TRPC4: variants seen among roughly 807,000 people sequenced by gnomAD.
TRPC4 encodes transient receptor potential cation channel subfamily C member 4.
Under a neutral mutation model 99.4 loss-of-function variants are expected in TRPC4, and 49 were observed. That is an observed-to-expected ratio of 0.49 (90% CI 0.39 to 0.63). The LOEUF (loss-of-function observed/expected upper bound fraction) is 0.63, where lower values mean the gene tolerates loss of function less well. Among genes scored for constraint, TRPC4 ranks in the 20% least tolerant of loss-of-function variants. The pLI is 0.00. For missense variants in TRPC4, 898 were observed against 1,152.9 expected (o/e 0.78, Z 3.20); for synonymous variants, 454 against 425.9 (o/e 1.07, Z -0.81).
intron 1 of TRPC4, among the ~76,000 whole-genome samples, chr13:37,849,117 G>C (rs550539877): frequency 2.0e-5 from 3 of 152,238 alleles, no homozygotes; most frequent in Admixed American, 6.5e-5. Flanking sequence ...CTGGGAAGGA[G>C]GCTGGGTATG....
At chr13:37,696,916 CTTTT>C (rs5802894) in intron 3 of TRPC4, among the ~76,000 whole-genome samples, 2 of 140,990 alleles carry the variant, frequency 1.4e-5, no homozygotes, top group Admixed American at 7.1e-5. Context: ...GCTGAAACAT[CTTTT>C]TTTTTTTTTT....
At position 37,634,108 on chromosome 13, in the gene TRPC4, G is replaced by A. The variant is rs556914977; in HGVS notation, c.*2795C>T. Among the ~76,000 whole-genome samples, 11 of 152,050 alleles carry A rather than the reference G, an allele frequency of 7.2e-5. No homozygotes were observed. Among genetic ancestry groups the A allele is most frequent in the African/African-American group, 2.4e-4 (10 of 41,510 alleles). ...AGATTTTTTAAGATTAAGAGAGTAC[G>A]AAAAATGAGAAACATTATTTATGTA... On this transcript the variant is annotated 3_prime_UTR_variant, in exon 11 of 11. Coordinates refer to ENST00000379705, the MANE Select transcript of TRPC4 (RefSeq NM_016179.4).
chr13:37,781,220 T>C lies in TRPC4; in HGVS notation c.378+1736A>G, dbSNP rs535175269. 2.6e-5 allele frequency among the ~76,000 whole-genome samples: 4 copies of C among 152,254 alleles called. No homozygotes were observed. The South Asian group carries it at 8.3e-4, about 32-fold the overall frequency. ...TAGAAAATAGAACTAAGAAGGTTCTTTAGTAATAAACATCAAAAACATGTT... is the reference window on the plus strand; with the variant it reads ...TAGAAAATAGAACTAAGAAGGTTCTCTAGTAATAAACATCAAAAACATGTT... On this transcript the variant is annotated intron_variant, in intron 2 of 10. Transcript: ENST00000379705.
intron 3 of TRPC4, among the ~76,000 whole-genome samples, chr13:37,745,448 A>ATATATATATATATATGTG (rs1955714748): frequency 1.0e-3 from 3 of 2,920 alleles, no homozygotes; most frequent in African/African-American, 1.8e-3. Flanking sequence ...ATATATATAT[A>ATATATATATATATATGTG]TATATATATA....
chr13:37,819,400 T>C (rs183380606), intron 1 of TRPC4, among the ~76,000 whole-genome samples: 1 of 152,082 alleles, frequency 6.6e-6, no homozygotes, highest in African/African-American at 2.4e-5. Flanking sequence ...TAGCACTATG[T>C]ATAATAGGAA....
Position 37,674,212 on chromosome 13 carries a change from C to T in TRPC4, c.1374+16G>A, listed in dbSNP as rs768752774. On this transcript the variant is annotated intron_variant, in intron 5 of 10. Transcript: ENST00000379705. The stretch of plus-strand genomic sequence containing the variant: ...ATCAGAACATATGCTTTACCAACAA[C>T]ATAAATAATAGTTACCTTTACAAAT... The T allele has an allele frequency of 1.3e-6, 2 of 1,564,446 alleles. No homozygotes were observed. Among genetic ancestry groups the T allele is most frequent in the East Asian group, 2.3e-5 (1 of 43,840 alleles).
In TRPC4 at chr13:37,846,432, T is replaced by C. The variant is rs74049205; in HGVS notation, c.-28+23163A>G. ...ATGAATGTAAATTTTGGCATTAAAT[T>C]AATAAAAAGTATGTGTGGGGTTGTG... On this transcript the variant is annotated intron_variant, in intron 1 of 10. Coordinates refer to ENST00000379705, the MANE Select transcript of TRPC4 (RefSeq NM_016179.4). Among the ~76,000 whole-genome samples the C allele has an allele frequency of 6.7e-3, 1,022 of 152,118 alleles. 14 individuals carry two copies. Among genetic ancestry groups the C allele is most frequent in the African/African-American group, 0.023 (968 of 41,536 alleles).
At chr13:37,748,963 C>T (rs1370239074) in intron 2 of TRPC4, among the ~76,000 whole-genome samples, 2 of 152,066 alleles carry the variant, frequency 1.3e-5, no homozygotes, top group Non-Finnish European at 2.9e-5. Context: ...TGTCCTCACC[C>T]AAATCTCATC....
intron 2 of TRPC4, among the ~76,000 whole-genome samples, chr13:37,766,209 ATACAT>A (rs1204373204): frequency 2.0e-5 from 3 of 151,438 alleles, no homozygotes; most frequent in Non-Finnish European, 4.4e-5. Context: ...ATTGTTGACA[ATACAT>A]TACAAGAGAA....
At chr13:37,779,885 C>G (rs995966283) in intron 2 of TRPC4, among the ~76,000 whole-genome samples, 8 of 152,064 alleles carry the variant, frequency 5.3e-5, no homozygotes, top group Non-Finnish European at 8.8e-5. Flanking sequence ...AAGCCCTTCT[C>G]CAGCCCTCTA....
chr13:37,840,757 T>G (rs1429914052), intron 1 of TRPC4, among the ~76,000 whole-genome samples: 1 of 152,040 alleles, frequency 6.6e-6, no homozygotes, highest in Non-Finnish European at 1.5e-5. Flanking sequence ...TTTATAACAT[T>G]CCCAGCATGT....
chr13:37,670,782 C>T (rs572581727), intron 5 of TRPC4, among the ~76,000 whole-genome samples: 85 of 152,178 alleles, frequency 5.6e-4, no homozygotes, highest in African/African-American at 2.0e-3. Flanking sequence ...TTCTCCCTGC[C>T]CACATTTTTA....
At chr13:37,644,921 C>A (rs1422014225) in intron 8 of TRPC4, among the ~76,000 whole-genome samples, 5 of 145,174 alleles carry the variant, frequency 3.4e-5, no homozygotes, top group African/African-American at 5.0e-5. Flanking sequence ...TTGCATTTTG[C>A]AGCTTTTTTT....
At chr13:37,815,207 G>A (rs985819965) in intron 1 of TRPC4, among the ~76,000 whole-genome samples, 3 of 151,630 alleles carry the variant, frequency 2.0e-5, no homozygotes, top group Non-Finnish European at 4.4e-5. Flanking sequence ...AATGTTAAGA[G>A]CTCAAACTAT....
chr13:37,861,341 C>T (rs565214872), intron 1 of TRPC4, among the ~76,000 whole-genome samples: 4 of 151,470 alleles, frequency 2.6e-5, no homozygotes, highest in Non-Finnish European at 1.5e-5. Flanking sequence ...ATAATTATTG[C>T]CATTAACTAT....
At chr13:37,856,039 G>T (rs1959171325) in intron 1 of TRPC4, among the ~76,000 whole-genome samples, 1 of 151,432 alleles carries the variant, frequency 6.6e-6, no homozygotes, top group East Asian at 1.9e-4. Context: ...GATCAGACAA[G>T]ATAAATGAAA....
At chr13:37,793,015 T>G (rs1341264209) in intron 1 of TRPC4, among the ~76,000 whole-genome samples, 1 of 151,988 alleles carries the variant, frequency 6.6e-6, no homozygotes. Flanking sequence ...AGACACAAAC[T>G]GCAGAGTAGT....
At chr13:37,661,954 G>C (rs1307220534) in intron 6 of TRPC4, among the ~76,000 whole-genome samples, 2 of 152,118 alleles carry the variant, frequency 1.3e-5, no homozygotes, top group Non-Finnish European at 2.9e-5. Flanking sequence ...GCAGTGGGAA[G>C]ATGTCAAGAC....
chr13:37,812,176 C>CAAAAAAAA (rs61607544), intron 1 of TRPC4, among the ~76,000 whole-genome samples: 1,036 of 55,086 alleles, frequency 0.019, 152 homozygotes, highest in African/African-American at 0.052. Flanking sequence ...GAGACTCTAT[C>CAAAAAAAA]AAAAAAAAAA....
Sources: gnomAD v4.1 joint callset for allele counts (sites outside exome capture counted in the v4.1 genomes callset) on GRCh38, gnomAD v4.1.1 for gene constraint, MANE v1.5 for transcripts, NCBI Gene and HGNC (gene_info 2026-07-23, HGNC 2026-07-21) for gene names.